The following CRYBA2 variants were observed in gnomAD, a reference collection of about 807,000 sequenced individuals.
The protein encoded by CRYBA2 is beta-crystallin A2.
Under a neutral mutation model 18.5 loss-of-function variants are expected in CRYBA2, and 17 were observed. The observed-to-expected ratio is 0.92, with a 90% CI of 0.63 to 1.38. The LOEUF (loss-of-function observed/expected upper bound fraction) is 1.38. CRYBA2 is among the 40% of genes most tolerant of loss of function. CRYBA2 has a pLI of 0.00. For synonymous variants in CRYBA2, 101 were observed against 106.2 expected, an observed-to-expected ratio of 0.95 and a Z score of 0.30; for missense variants, 271 against 265.0, an observed-to-expected ratio of 1.02 and a Z score of -0.16.
At position 218,990,873 on chromosome 2, in the gene CRYBA2, G is replaced by A. The variant is rs201285536; in HGVS notation, c.425C>T (p.Ser142Phe). Residue 142 changes from serine to phenylalanine, a missense_variant, in exon 3 of 4, where the codon TCC becomes TTC. Ser to Phe is a radical substitution (Grantham distance 155). Transcript: ENST00000295728. Reference protein sequence around the residue: ...SMGWASKDVGSLKVSSGAWVA... With the variant: ...SMGWASKDVGFLKVSSGAWVA... Reference sequence around the variant, plus strand: ...TCACGCTCCGGAGCTGACTTTGAGGGAACCCACATCCTTGCTGGCCCAGCC... The same window carrying A: ...TCACGCTCCGGAGCTGACTTTGAGGAAACCCACATCCTTGCTGGCCCAGCC... 1.9e-6 allele frequency: 3 copies of A among 1,613,984 alleles called. No individual in the cohort carries two copies. Among genetic ancestry groups the A allele is most frequent in the Admixed American group, 3.3e-5 (2 of 60,006 alleles).
Position 218,992,204 on chromosome 2 carries a change from C to T in CRYBA2, c.201G>A (p.Gln67=). 1.2e-6 allele frequency: 2 copies of T among 1,613,714 alleles called. No homozygotes were observed. Among genetic ancestry groups the T allele is most frequent in the Non-Finnish European group, 1.7e-6 (2 of 1,179,988 alleles). ...AFEYPDFQGQ[Q]FILEKGDYPR... ...GATAGTCTCCCTTCTCCAGAATGAA[C>T]TGCTGTCCCTGGAAGTCGGGGTACT... Residue 67 remains glutamine, a synonymous_variant, in exon 2 of 4, where the codon CAG becomes CAA. Transcript: ENST00000295728.
rs754826788 is a variant in CRYBA2 at position 218,990,950 on chromosome 2, G to A, written c.348C>T (p.Phe116=). ...SRVTLFEGDN[F]QGCKFDLVDD... ...CAACGAGGTCAAACTTGCAGCCTTG[G>A]AAGTTGTCCCCCTCAAACAGTGTCA... The change falls in exon 3 of 4, where the codon TTC becomes TTT. Residue 116 remains phenylalanine (F), a synonymous_variant. Transcript: ENST00000295728. 3.5e-5 allele frequency: 56 copies of A among 1,614,072 alleles called. No individual in the cohort carries two copies. The East Asian group carries it at 8.9e-4, about 26-fold the overall frequency.
rs1444993235 is a variant in CRYBA2 at position 218,990,413 on chromosome 2, G to A, written c.447-14C>T. ...TAGGCCACCCACCTAGGCCAGTGAG[G>A]GTACAGAGGCAGGGAGTAAGCTCTG... On this transcript the variant is annotated splice_polypyrimidine_tract_variant and intron_variant, in intron 3 of 3. Transcript: ENST00000295728. The A allele has an allele frequency of 6.2e-7, 1 of 1,613,716 alleles. No homozygotes were observed. The highest frequency in any genetic ancestry group is 8.5e-7 in the Non-Finnish European group (1 of 1,179,952).
chr2:218,990,771 C>A (rs1945486806), intron 3 of CRYBA2, 81 bp downstream of exon 3: 22 of 1,542,488 alleles, frequency 1.4e-5, no homozygotes, highest in Non-Finnish European at 8.9e-7. Context: ...GCCCTCCCCA[C>A]ATCACTTTTC....
At position 218,992,237 on chromosome 2, in the gene CRYBA2, C is replaced by T; in HGVS notation, c.168G>A (p.Val56=). ...CCTGGAAGTCGGGGTACTCAAAGGCCACCCAACTGGAAAAGGAGAAGAGCT... is the reference window on the plus strand; with the variant it reads ...CCTGGAAGTCGGGGTACTCAAAGGCTACCCAACTGGAAAAGGAGAAGAGCT... ...RSVKVENGVW[V]AFEYPDFQGQ... Residue 56 remains valine, a synonymous_variant, in exon 2 of 4, where the codon GTG becomes GTA. Coordinates refer to ENST00000295728, the MANE Select transcript of CRYBA2 (RefSeq NM_057093.2). 1.2e-6 allele frequency: 2 copies of T among 1,613,262 alleles called. No individual in the cohort carries two copies. The highest frequency in any genetic ancestry group is 1.7e-6 in the Non-Finnish European group (2 of 1,179,848).
chr2:218,991,833 G>A (rs1337957550), intron 2 of CRYBA2: 1 of 454,754 alleles, frequency 2.2e-6, no homozygotes, highest in Non-Finnish European at 3.9e-6. Flanking sequence ...CACACGTGTG[G>A]ACGATGGAAT....
intron 2 of CRYBA2, chr2:218,991,861 A>G (rs569343272): frequency 1.3e-4 from 66 of 501,274 alleles, no homozygotes; most frequent in African/African-American, 1.2e-3. Flanking sequence ...AACCCTGGGC[A>G]CTCAGGACTG....
At chr2:218,990,539 T>C (rs1479192554) in intron 3 of CRYBA2, 140 bp from the exon 4 acceptor site, 1 of 1,091,552 alleles carries the variant, frequency 9.2e-7, no homozygotes, top group African/African-American at 1.6e-5. Context: ...CGTGGCTCTC[T>C]CCCTCCCCTG....
rs753196550 is a variant in CRYBA2, at chr2:218,993,085, C to T, written c.92G>A (p.Ser31Asn). 4 of 1,611,930 alleles carry T rather than the reference C, an allele frequency of 2.5e-6. No individual in the cohort carries two copies. The highest frequency in any genetic ancestry group is 3.3e-5 in the Admixed American group (2 of 59,966). Residue 31 changes from serine (S) to asparagine (N), a missense_variant, in exon 1 of 4, where the codon AGC (serine) becomes AAC (asparagine). By Grantham distance (46) the Ser-to-Asn change is conservative (BLOSUM62 1). Transcript: ENST00000295728. This position sits in a 1 kb window ranked among gnomAD's most constrained non-coding sequence, Gnocchi z 7.7. ...DFQGRRCRLL[S>N]DCANVCERGG... ...GCGCTCGCAGACGTTCGCACAGTCG[C>T]TTAGCAGCCGACAGCGACGGCCCTG...
rs763190587 is a variant in CRYBA2, at chr2:218,990,924, T to A, written c.374A>T (p.Asp125Val). 3.1e-6 allele frequency: 5 copies of A among 1,614,110 alleles called. No individual in the cohort carries two copies. The highest frequency in any genetic ancestry group is 3.4e-6 in the Non-Finnish European group (4 of 1,180,016). The change falls in exon 3 of 4, where the codon GAT (aspartate) becomes GTT (valine). Residue 125 changes from aspartate to valine, a missense_variant. Transcript: ENST00000295728. ...CATGGAGGGCAGGGATGGGTAGTCA[T>A]CAACGAGGTCAAACTTGCAGCCTTG... is the stretch of plus-strand genomic sequence containing the variant. ...NFQGCKFDLV[D>V]DYPSLPSMGW... is the part of the protein sequence containing the mutation.
intron 1 of CRYBA2, among the ~76,000 whole-genome samples, chr2:218,992,493 G>A (rs1945509748): frequency 6.6e-6 from 1 of 152,158 alleles, no homozygotes; most frequent in Non-Finnish European, 1.5e-5. Context: ...GAGTTTTCCT[G>A]GTTATGAAGA....
chr2:218,992,385 G>C (rs1347797396), intron 1 of CRYBA2, 142 bp from the exon 2 acceptor site: 2 of 852,990 alleles, frequency 2.3e-6, no homozygotes, highest in African/African-American at 3.5e-5. Flanking sequence ...CCCATTGTAT[G>C]GCAATCCAGC....
chr2:218,991,097 G>T, intron 2 of CRYBA2, 103 bp from the exon 3 acceptor site: 1 of 1,541,418 alleles, frequency 6.5e-7, no homozygotes, highest in South Asian at 1.3e-5. Flanking sequence ...CACAAGCTGT[G>T]AAGCTGTCTA....
At position 218,993,283 on chromosome 2, in the gene CRYBA2, G is replaced by T. The variant is rs1404309589; in HGVS notation, c.-107C>A. ...TGGGTAGCGGATGAAGAACCCGGGGGCTGGACCCGGCCTAGCTCTGGACCC... is the reference window on the plus strand; with the variant it reads ...TGGGTAGCGGATGAAGAACCCGGGGTCTGGACCCGGCCTAGCTCTGGACCC... On this transcript the variant is annotated 5_prime_UTR_variant, in exon 1 of 4. Transcript: ENST00000295728. The surrounding 1 kb of genome is among the most constrained non-coding windows in gnomAD (Gnocchi z 7.7). 3.4e-6 allele frequency: 4 copies of T among 1,162,156 alleles called. No homozygotes were observed. Among genetic ancestry groups the T allele is most frequent in the Non-Finnish European group, 3.6e-6 (3 of 837,852 alleles). The allele number at this position is 1,162,156 out of a possible 1,614,324, so 72.0% of individuals were successfully genotyped here.
chr2:218,991,141 A>G lies in CRYBA2; in HGVS notation c.304-147T>C, dbSNP rs1355512546. On this transcript the variant is annotated intron_variant, in intron 2 of 3. Transcript: ENST00000295728. The stretch of plus-strand genomic sequence containing the variant: ...AGGCACTCCCAGAGCTCACCCCATC[A>G]GCTCCCTGGCAGTCTGGGAAATGGA... The G allele has an allele frequency of 9.0e-6, 11 of 1,220,960 alleles. 1 individual carries two copies. The Admixed American group carries it at 1.5e-4, about 16-fold the overall frequency. The allele number at this position is 1,220,960 out of a possible 1,614,324, so 75.6% of individuals were successfully genotyped here.
In CRYBA2 at chr2:218,992,772, G is replaced by A. The variant is rs1288613926; in HGVS notation, c.161+244C>T. Reference sequence around the variant, plus strand: ...GTAAGTACACTAGAAACCCCTTCACGGTGGGGTCCCATAGGGACCCTCAAG... The same window carrying A: ...GTAAGTACACTAGAAACCCCTTCACAGTGGGGTCCCATAGGGACCCTCAAG... On this transcript the variant is annotated intron_variant, in intron 1 of 3. Coordinates refer to ENST00000295728, the MANE Select transcript of CRYBA2 (RefSeq NM_057093.2). Among the ~76,000 whole-genome samples, 3 of 152,188 alleles carry A rather than the reference G, an allele frequency of 2.0e-5. No homozygotes were observed. In the South Asian group the frequency reaches 6.2e-4, roughly 31 times the overall value.
chr2:218,991,857 G>A, intron 2 of CRYBA2: 1 of 494,990 alleles, frequency 2.0e-6, no homozygotes, highest in South Asian at 3.0e-5. Flanking sequence ...GGGGAACCCT[G>A]GGCACTCAGG....
At chr2:218,992,990 C>G (rs1945515883) in intron 1 of CRYBA2, 26 bp downstream of exon 1, 3 of 1,584,664 alleles carry the variant, frequency 1.9e-6, no homozygotes, top group Non-Finnish European at 1.7e-6. Context: ...TCAACCCAGC[C>G]CAGCCGCGGC....
intron 3 of CRYBA2, 22 bp downstream of exon 3, chr2:218,990,830 T>C (rs1423140553): frequency 6.2e-7 from 1 of 1,610,262 alleles, no homozygotes; most frequent in South Asian, 1.1e-5. Flanking sequence ...TCTGTCTCCC[T>C]GGTTCCAGTT....
Sources: allele counts gnomAD v4.1 joint callset (sites outside exome capture counted in the v4.1 genomes callset), GRCh38; gene constraint gnomAD v4.1.1; non-coding constraint Gnocchi (gnomAD v3.1); transcripts MANE v1.5; gene names NCBI Gene and HGNC (gene_info 2026-07-23, HGNC 2026-07-21).